The following DRC1 variants were observed in gnomAD, a reference collection of about 807,000 sequenced individuals.
DRC1 encodes the protein dynein regulatory complex protein 1.
DRC1 carries 74 observed loss-of-function variants against 98.7 expected under a neutral mutation model. That is an observed-to-expected ratio of 0.75 (90% CI 0.62 to 0.91). The LOEUF (loss-of-function observed/expected upper bound fraction) is 0.91. Among genes scored for constraint, DRC1 ranks in the 40% least tolerant of loss-of-function variants. DRC1 has a pLI of 0.00. For synonymous variants in DRC1, 336 were observed against 334.1 expected, an observed-to-expected ratio of 1.01 and a Z score of -0.06; for missense variants, 875 against 886.0, an observed-to-expected ratio of 0.99 and a Z score of 0.16.
intron 8 of DRC1, among the ~76,000 whole-genome samples, chr2:26,443,191 T>G (rs922412569): frequency 3.9e-5 from 6 of 152,220 alleles, no homozygotes; most frequent in Admixed American, 6.5e-5. Context: ...AGGGAAAATC[T>G]TATTTTTAGA....
intron 12 of DRC1, 88 bp from the exon 13 acceptor site, chr2:26,450,504 C>G: frequency 8.1e-7 from 1 of 1,228,644 alleles, no homozygotes; most frequent in South Asian, 1.4e-5. Flanking sequence ...CCAAGCCTCC[C>G]GCTCTTAGGA....
intron 4 of DRC1, among the ~76,000 whole-genome samples, chr2:26,427,746 C>T (rs1572366366): frequency 6.6e-6 from 1 of 152,092 alleles, no homozygotes; most frequent in South Asian, 2.1e-4. Flanking sequence ...TCAGTCTCTG[C>T]TAACTATCAT....
chr2:26,449,217 T>A (rs948898367), intron 11 of DRC1, among the ~76,000 whole-genome samples: 5 of 152,246 alleles, frequency 3.3e-5, no homozygotes, highest in Non-Finnish European at 7.3e-5. Flanking sequence ...GGGATTTGGA[T>A]GTCTGCATTG....
At chr2:26,449,890 C>A in intron 11 of DRC1, 106 bp from the exon 12 acceptor site, 1 of 1,008,988 alleles carries the variant, frequency 9.9e-7, no homozygotes, top group Non-Finnish European at 1.5e-6. Context: ...TGGGCGTCTG[C>A]TCCGTGGCAT....
intron 7 of DRC1, 116 bp downstream of exon 7, chr2:26,432,122 G>T: frequency 7.2e-7 from 1 of 1,394,752 alleles, no homozygotes; most frequent in Non-Finnish European, 9.5e-7. Context: ...CCTTCAGCAC[G>T]TATTTATTAA....
chr2:26,410,638 G>C (rs1298159696), intron 1 of DRC1, among the ~76,000 whole-genome samples: 18 of 152,050 alleles, frequency 1.2e-4, no homozygotes, highest in Admixed American at 1.2e-3. Context: ...GAATGGAGCA[G>C]GGAGCATATT....
chr2:26,443,850 T>C (rs1171856653), intron 8 of DRC1, among the ~76,000 whole-genome samples: 1 of 152,180 alleles, frequency 6.6e-6, no homozygotes, highest in Non-Finnish European at 1.5e-5. Flanking sequence ...AACATCCAAG[T>C]CATGACAATG....
rs183855831 is a variant in DRC1 at position 26,447,189 on chromosome 2, C to T, written c.1397-1502C>T. On this transcript the variant is annotated intron_variant, in intron 10 of 16. Transcript: ENST00000288710. Reference sequence around the variant, plus strand: ...CAGCACTTTGGGAGGCCAAGATGGGCGGATCATGAGGTCAGGAGTTTGAGA... The same window carrying T: ...CAGCACTTTGGGAGGCCAAGATGGGTGGATCATGAGGTCAGGAGTTTGAGA... 5.3e-3 allele frequency among the ~76,000 whole-genome samples: 803 copies of T among 152,082 alleles called. 8 individuals carry two copies. The highest frequency in any genetic ancestry group is 0.018 in the African/African-American group (765 of 41,484).
chr2:26,422,952 AC>A (rs1295831301), intron 3 of DRC1, among the ~76,000 whole-genome samples: 4 of 151,342 alleles, frequency 2.6e-5, no homozygotes, highest in Non-Finnish European at 5.9e-5. Context: ...CAACCACTTG[AC>A]CATTTTGTCT....
intron 1 of DRC1, among the ~76,000 whole-genome samples, chr2:26,406,722 A>G (rs768785521): frequency 6.6e-6 from 1 of 152,110 alleles, no homozygotes; most frequent in Non-Finnish European, 1.5e-5. Flanking sequence ...AAAAAAACCA[A>G]AAAGAATAGG....
intron 8 of DRC1, 111 bp from the exon 9 acceptor site, chr2:26,444,111 C>T (rs1663788031): frequency 6.7e-7 from 1 of 1,481,926 alleles, no homozygotes. Flanking sequence ...GTTTTCTGCT[C>T]TTCCACAGAT....
At chr2:26,455,421 TCTC>T (rs1664126445) in intron 16 of DRC1, among the ~76,000 whole-genome samples, 188 bp downstream of exon 16, 1 of 151,922 alleles carries the variant, frequency 6.6e-6, no homozygotes, top group African/African-American at 2.4e-5. Context: ...TTGCCTGAAG[TCTC>T]CTCCAGGACA....
chr2:26,405,572 C>T (rs1298715767), intron 1 of DRC1, among the ~76,000 whole-genome samples: 1 of 147,954 alleles, frequency 6.8e-6, no homozygotes. Context: ...AAGAGTTGTA[C>T]TGGGCATTCA....
intron 8 of DRC1, among the ~76,000 whole-genome samples, chr2:26,443,602 G>A (rs563983056): frequency 1.1e-4 from 16 of 152,272 alleles, no homozygotes; most frequent in Admixed American, 6.5e-4. Context: ...TAGACTGATA[G>A]TACCTTGTAT....
chr2:26,422,631 T>G (rs1259370085), intron 3 of DRC1, among the ~76,000 whole-genome samples: 2 of 152,224 alleles, frequency 1.3e-5, no homozygotes, highest in African/African-American at 4.8e-5. Flanking sequence ...AACAACCACT[T>G]GGCCAGGCAC....
chr2:26,424,666 C>T (rs997594402), intron 4 of DRC1, among the ~76,000 whole-genome samples: 3 of 152,090 alleles, frequency 2.0e-5, no homozygotes, highest in Non-Finnish European at 2.9e-5. Context: ...GTGTATAGTT[C>T]ATGGGCTGGA....
chr2:26,417,106 C>G (rs1174711406), intron 2 of DRC1, among the ~76,000 whole-genome samples: 1 of 152,080 alleles, frequency 6.6e-6, no homozygotes, highest in African/African-American at 2.4e-5. Context: ...CCCCCATGAT[C>G]CAATCATTTC....
chr2:26,412,284 C>T (rs1458158584), intron 1 of DRC1, among the ~76,000 whole-genome samples: 1 of 152,158 alleles, frequency 6.6e-6, no homozygotes, highest in East Asian at 1.9e-4. Flanking sequence ...GGGAGAATTG[C>T]TGGAACCCAG....
chr2:26,421,375 G>A lies in DRC1; in HGVS notation c.331G>A (p.Glu111Lys), dbSNP rs371616390. Reference protein sequence around the residue: ...IDIREIHRRVEEEEIKRQRIE... With the variant: ...IDIREIHRRVKEEEIKRQRIE... Reference sequence around the variant, plus strand: ...TATCAGAGAGATTCACAGGAGAGTCGAAGAAGAGGAGATAAAGCGTCAAAG... The same window carrying A: ...TATCAGAGAGATTCACAGGAGAGTCAAAGAAGAGGAGATAAAGCGTCAAAG... Residue 111 changes from glutamate (E) to lysine (K), a missense_variant, in exon 3 of 17, where the codon GAA becomes AAA. By Grantham distance (56) the Glu-to-Lys change is moderately conservative. Coordinates refer to ENST00000288710, the MANE Select transcript of DRC1 (RefSeq NM_145038.5). 3.5e-5 allele frequency: 57 copies of A among 1,613,072 alleles called. No individual in the cohort carries two copies. The highest frequency in any genetic ancestry group is 3.4e-4 in the South Asian group (31 of 91,042).
Sources: gnomAD v4.1 joint callset for allele counts (sites outside exome capture counted in the v4.1 genomes callset) on GRCh38, gnomAD v4.1.1 for gene constraint, MANE v1.5 for transcripts, NCBI Gene and HGNC (gene_info 2026-07-23, HGNC 2026-07-21) for gene names.